The following TENM2 variants were observed in gnomAD, a reference collection of about 807,000 sequenced individuals.
TENM2 encodes the protein teneurin-2.
Under a neutral mutation model 245.2 loss-of-function variants are expected in TENM2, and 52 were observed. That is an observed-to-expected ratio of 0.21 (90% CI 0.17 to 0.27). The LOEUF (loss-of-function observed/expected upper bound fraction) is 0.27. Among genes scored for constraint, TENM2 ranks in the 10% least tolerant of loss-of-function variants. The pLI is 1.00. For missense variants in TENM2, 3,046 were observed against 3,666.8 expected (o/e 0.83, Z 4.37); for synonymous variants, 1,363 against 1,438.9 (o/e 0.95, Z 1.19).
the TENM2 span, among the ~76,000 whole-genome samples, chr5:167,073,638 C>T: frequency 8.5e-5 from 13 of 152,226 alleles, 1 homozygote; most frequent in Admixed American, 3.9e-4. Flanking sequence ...TGTGACTCCC[C>T]GCACCTCACC....
chr5:167,380,401 T>A (rs915832868), intron 2 of TENM2, among the ~76,000 whole-genome samples: 1 of 152,132 alleles, frequency 6.6e-6, no homozygotes, highest in Non-Finnish European at 1.5e-5. Flanking sequence ...GAGGTTTACG[T>A]TTTTGGCAAA....
chr5:168,146,803 G>A (rs1270058082), intron 12 of TENM2, among the ~76,000 whole-genome samples: 2 of 152,184 alleles, frequency 1.3e-5, no homozygotes, highest in East Asian at 1.9e-4. Flanking sequence ...GAGAGGGGCC[G>A]GTGAGTGCTA....
In TENM2 at chr5:168,217,029, A is replaced by C; in HGVS notation, c.4233+107A>C. On this transcript the variant is annotated intron_variant, in intron 22 of 28. Transcript: ENST00000518659. Reference sequence around the variant, plus strand: ...GAAGTGGAATGGGAGGGAGAGATACAGATACAGATCACGGGGTTGTTTGGA... The same window carrying C: ...GAAGTGGAATGGGAGGGAGAGATACCGATACAGATCACGGGGTTGTTTGGA... The C allele has an allele frequency of 2.4e-6, 3 of 1,256,288 alleles. No individual in the cohort carries two copies. In the South Asian group the frequency reaches 3.8e-5, roughly 16 times the overall value. 77.8% of individuals were successfully genotyped at this position (1,256,288 alleles called of 1,614,324 possible).
chr5:167,594,716 G>C (rs144845121), intron 2 of TENM2, among the ~76,000 whole-genome samples: 2 of 152,152 alleles, frequency 1.3e-5, no homozygotes, highest in African/African-American at 4.8e-5. Flanking sequence ...AAAGGAGAGA[G>C]GATTGTGCAC....
the TENM2 span, among the ~76,000 whole-genome samples, chr5:167,105,732 C>CA: frequency 2.2e-4 from 33 of 149,212 alleles, no homozygotes; most frequent in Non-Finnish European, 1.6e-4. Flanking sequence ...ACTAAAAATA[C>CA]AAAAAATTAG....
intron 5 of TENM2, among the ~76,000 whole-genome samples, chr5:167,997,875 A>G (rs1784170604): frequency 6.6e-6 from 1 of 152,154 alleles, no homozygotes; most frequent in Admixed American, 6.5e-5. Flanking sequence ...CCACATCTCT[A>G]TTACAAAAAA....
At chr5:167,106,551 A>G in the TENM2 span, among the ~76,000 whole-genome samples, 1 of 152,234 alleles carries the variant, frequency 6.6e-6, no homozygotes, top group Non-Finnish European at 1.5e-5. Flanking sequence ...TTTTGATTTA[A>G]TTCTAGAGGT....
At chr5:167,234,246 A>C in the TENM2 span, among the ~76,000 whole-genome samples, 16 of 152,318 alleles carry the variant, frequency 1.1e-4, no homozygotes, top group Admixed American at 2.0e-4. Flanking sequence ...ATTTTTAAAA[A>C]TTCTTTTTCT....
At chr5:168,044,288 G>A (rs185128469) in intron 5 of TENM2, among the ~76,000 whole-genome samples, 4 of 152,238 alleles carry the variant, frequency 2.6e-5, no homozygotes, top group Middle Eastern at 6.8e-3. Flanking sequence ...GCATGCGGGC[G>A]CCTGTAGTCC....
At chr5:168,204,518 G>A in exon 19 of TENM2, 1 of 1,614,054 alleles carries the variant, frequency 6.2e-7, no homozygotes, top group Middle Eastern at 1.6e-4. Flanking sequence ...GCTGGCCCCA[G>A]TGGCTCTGGC....
intron 5 of TENM2, among the ~76,000 whole-genome samples, chr5:168,022,256 G>C (rs1786217359): frequency 6.6e-6 from 1 of 152,162 alleles, no homozygotes; most frequent in African/African-American, 2.4e-5. Flanking sequence ...TTTTCTCTCT[G>C]GTATCACTCC....
At chr5:166,990,617 T>TA in the TENM2 span, among the ~76,000 whole-genome samples, 2 of 152,202 alleles carry the variant, frequency 1.3e-5, no homozygotes, top group Admixed American at 6.5e-5. Flanking sequence ...GATGGTTTTT[T>TA]ACCGACTAAT....
At chr5:167,505,406 C>T (rs1198550366) in intron 2 of TENM2, among the ~76,000 whole-genome samples, 1 of 152,040 alleles carries the variant, frequency 6.6e-6, no homozygotes, top group Non-Finnish European at 1.5e-5. Flanking sequence ...TATTAGCTGC[C>T]ACTTAGTTGT....
intron 2 of TENM2, among the ~76,000 whole-genome samples, chr5:167,657,779 G>T (rs951189793): frequency 6.6e-6 from 1 of 152,162 alleles, no homozygotes; most frequent in African/African-American, 2.4e-5. Context: ...TTAAATAGAG[G>T]TTGCTGTGTT....
Position 168,199,065 on chromosome 5 carries a change from C to T in TENM2, c.3113C>T (p.Thr1038Ile), listed in dbSNP as rs781406069. 1.4e-5 allele frequency: 23 copies of T among 1,613,920 alleles called. No individual in the cohort carries two copies. Among genetic ancestry groups the T allele is most frequent in the Admixed American group, 6.7e-5 (4 of 60,014 alleles). ...ATCATCATCTCCTCCCCACTGTCCA[C>T]CTTCTTTAGTGCTGCCCCTGGGCAG... is the stretch of plus-strand genomic sequence containing the variant. Residue 1038 changes from threonine (T) to isoleucine (I), a missense_variant, in exon 16 of 29, where the codon ACC becomes ATC. By Grantham distance (89) the Thr-to-Ile change is moderately conservative. Transcript: ENST00000518659.
chr5:167,843,830 T>G (rs1769778535), intron 2 of TENM2, among the ~76,000 whole-genome samples: 1 of 152,196 alleles, frequency 6.6e-6, no homozygotes, highest in Non-Finnish European at 1.5e-5. Flanking sequence ...AAAACTCTCT[T>G]TCAACTATAG....
At chr5:167,626,284 G>A (rs1778493722) in intron 2 of TENM2, among the ~76,000 whole-genome samples, 1 of 151,888 alleles carries the variant, frequency 6.6e-6, no homozygotes, top group African/African-American at 2.4e-5. Flanking sequence ...AGAGAGGCAA[G>A]GTTCCTCAGT....
At chr5:167,474,504 T>C (rs991490808) in intron 2 of TENM2, among the ~76,000 whole-genome samples, 1 of 145,078 alleles carries the variant, frequency 6.9e-6, no homozygotes, top group Non-Finnish European at 1.5e-5. Context: ...TAGACTGTTT[T>C]TTTAAATAAG....
intron 5 of TENM2, among the ~76,000 whole-genome samples, chr5:168,022,598 A>G (rs562053915): frequency 6.8e-4 from 104 of 152,344 alleles, no homozygotes; most frequent in African/African-American, 2.4e-3. Context: ...AGTGCCTGCC[A>G]AGCATGAGTG....
Sources: allele counts gnomAD v4.1 joint callset (sites outside exome capture counted in the v4.1 genomes callset), GRCh38; gene constraint gnomAD v4.1.1; transcripts MANE v1.5; gene names NCBI Gene and HGNC (gene_info 2026-07-23, HGNC 2026-07-21).